The following KLF15 variants were observed in gnomAD, a reference collection of about 807,000 sequenced individuals.
The protein encoded by KLF15 is Krueppel-like factor 15.
KLF15 carries 4 observed loss-of-function variants against 24.6 expected under a neutral mutation model. The ratio of observed to expected loss-of-function variants is 0.16; its 90% confidence interval spans 0.08 to 0.37. The LOEUF (loss-of-function observed/expected upper bound fraction) is 0.37. KLF15 is among the 10% of genes least tolerant of loss of function. The probability of loss-of-function intolerance (pLI) is 1.00; values close to 1 mark genes in which losing one functional copy is unlikely to be tolerated. For missense variants in KLF15, 496 were observed against 560.6 expected (o/e 0.88, Z 1.16); for synonymous variants, 246 against 236.3 (o/e 1.04, Z -0.37).
the KLF15 span, among the ~76,000 whole-genome samples, chr3:126,301,690 C>T: frequency 5.4e-5 from 8 of 149,496 alleles, no homozygotes; most frequent in Admixed American, 4.7e-4. Flanking sequence ...TCTCAGTTCA[C>T]GGCAACCTCT....
chr3:126,314,075 CT>C, the KLF15 span, among the ~76,000 whole-genome samples: 1 of 152,188 alleles, frequency 6.6e-6, no homozygotes, highest in East Asian at 1.9e-4. Flanking sequence ...TATTATCTTG[CT>C]CTTTATACAA....
At chr3:126,357,196 C>T (rs1560043740) in intron 1 of KLF15, 41 bp downstream of exon 1, 1 of 150,046 alleles carries the variant, frequency 6.7e-6, no homozygotes, top group Non-Finnish European at 1.5e-5. Context: ...CACCCGGGGC[C>T]GCGTCCACGC....
the KLF15 span, among the ~76,000 whole-genome samples, chr3:126,289,393 G>C: frequency 1.2e-3 from 179 of 152,308 alleles, 2 homozygotes; most frequent in Middle Eastern, 3.4e-3. Context: ...CAGGCAGGGA[G>C]AAAATAGTTT....
At chr3:126,344,415 A>G (rs1041985140) in intron 2 of KLF15, among the ~76,000 whole-genome samples, 2 of 152,248 alleles carry the variant, frequency 1.3e-5, no homozygotes, top group Admixed American at 1.3e-4. Context: ...ATGCTGGCAC[A>G]GTGGGCATTC....
At chr3:126,318,771 C>T in the KLF15 span, among the ~76,000 whole-genome samples, 123 of 152,292 alleles carry the variant, frequency 8.1e-4, 1 homozygote, top group African/African-American at 2.9e-3. Flanking sequence ...AGAGATTTCA[C>T]ACCAGAGTGG....
Position 126,352,864 on chromosome 3 carries a change from C to T in KLF15, c.59G>A (p.Gly20Glu), listed in dbSNP as rs778050081. 42 of 1,612,296 alleles carry T rather than the reference C, an allele frequency of 2.6e-5. No individual in the cohort carries two copies. The Admixed American group carries it at 7.0e-4, about 27-fold the overall frequency. ...ENFSSPKCPV[G>E]YLGDRLVGRR... Reference sequence around the variant, plus strand: ...GCCAACCAGCCTATCACCCAGATACCCAACTGGGCATTTTGGCGACGAGAA... The same window carrying T: ...GCCAACCAGCCTATCACCCAGATACTCAACTGGGCATTTTGGCGACGAGAA... The change falls in exon 2 of 3, where the codon GGG (glycine) becomes GAG (glutamate). Residue 20 changes from glycine (G) to glutamate (E), a missense_variant. This residue lies in a region of KLF15 where 399 missense variants were observed against 423.1 expected (regional missense o/e 0.94). Transcript: ENST00000296233.
the KLF15 span, among the ~76,000 whole-genome samples, chr3:126,293,626 A>G: frequency 6.6e-6 from 1 of 152,100 alleles, no homozygotes; most frequent in Non-Finnish European, 1.5e-5. Flanking sequence ...AGCCCCTTCC[A>G]TGCCTGTCCA....
the KLF15 span, among the ~76,000 whole-genome samples, chr3:126,334,111 C>G: frequency 1.2e-4 from 19 of 152,018 alleles, no homozygotes; most frequent in South Asian, 2.7e-3. Flanking sequence ...CAAATCAACA[C>G]AATATACATT....
the KLF15 span, among the ~76,000 whole-genome samples, chr3:126,307,903 C>T: frequency 6.6e-6 from 1 of 152,148 alleles, no homozygotes; most frequent in East Asian, 1.9e-4. Flanking sequence ...CTGGTGAGAA[C>T]CTCCTTAGCC....
chr3:126,295,000 T>C, the KLF15 span, among the ~76,000 whole-genome samples: 3 of 152,126 alleles, frequency 2.0e-5, no homozygotes, highest in Non-Finnish European at 4.4e-5. Flanking sequence ...TATGGATTCA[T>C]ATATACACAT....
intron 2 of KLF15, among the ~76,000 whole-genome samples, chr3:126,346,262 A>T (rs1319424102): frequency 6.6e-6 from 1 of 152,186 alleles, no homozygotes; most frequent in African/African-American, 2.4e-5. Flanking sequence ...AAAGCTGCAG[A>T]CACAGAGTGC....
chr3:126,299,205 A>AGTATGTATGTATGTATGTATGTAT, the KLF15 span, among the ~76,000 whole-genome samples: 96 of 150,492 alleles, frequency 6.4e-4, no homozygotes, highest in Middle Eastern at 0.014. Context: ...TATATTCCTA[A>AGTATGTATGTATGTATGTATGTAT]GTATGTATGT....
At chr3:126,327,431 T>C in the KLF15 span, among the ~76,000 whole-genome samples, 5 of 151,936 alleles carry the variant, frequency 3.3e-5, no homozygotes, top group Admixed American at 2.0e-4. Context: ...CTGGAAGGGG[T>C]GAGGCCAGGT....
At chr3:126,312,528 C>T in the KLF15 span, among the ~76,000 whole-genome samples, 108 of 152,302 alleles carry the variant, frequency 7.1e-4, no homozygotes, top group African/African-American at 2.5e-3. Flanking sequence ...AAGCTTCCCT[C>T]CTGTTTCTTA....
the KLF15 span, among the ~76,000 whole-genome samples, chr3:126,297,945 T>C: frequency 6.6e-6 from 1 of 152,182 alleles, no homozygotes; most frequent in East Asian, 1.9e-4. Context: ...AATGGCTTCT[T>C]TTCCTCTGGG....
chr3:126,309,335 T>C, the KLF15 span, among the ~76,000 whole-genome samples: 2 of 152,188 alleles, frequency 1.3e-5, no homozygotes, highest in Non-Finnish European at 2.9e-5. Flanking sequence ...CATACCACAA[T>C]GCGTGCATCC....
the KLF15 span, among the ~76,000 whole-genome samples, chr3:126,324,629 C>T: frequency 1.4e-5 from 2 of 140,172 alleles, no homozygotes; most frequent in South Asian, 5.0e-4. Flanking sequence ...TTTTAGATAG[C>T]CTTTCGTGAT....
the KLF15 span, among the ~76,000 whole-genome samples, chr3:126,319,244 A>G: frequency 6.6e-6 from 1 of 152,240 alleles, no homozygotes; most frequent in African/African-American, 2.4e-5. Context: ...TAAAGGTGCT[A>G]TCAATATCTG....
chr3:126,349,618 G>C (rs1186124646), intron 2 of KLF15, among the ~76,000 whole-genome samples: 2 of 152,194 alleles, frequency 1.3e-5, no homozygotes, highest in Non-Finnish European at 2.9e-5. Context: ...CTGGCCCTAA[G>C]ATATCCAGGA....
Sources: gnomAD v4.1 joint callset for allele counts (sites outside exome capture counted in the v4.1 genomes callset) on GRCh38, gnomAD v4.1.1 for gene constraint, gnomAD v4.1.1 regional missense constraint, MANE v1.5 for transcripts, NCBI Gene and HGNC (gene_info 2026-07-23, HGNC 2026-07-21) for gene names.